ARID3C: variants seen among roughly 807,000 people sequenced by gnomAD.
The protein encoded by ARID3C is AT-rich interaction domain 3C, also known as AT-rich interactive domain-containing protein 3C.
A neutral mutation model predicts 37.9 loss-of-function variants in ARID3C; 42 were observed. The observed-to-expected ratio is 1.11, with a 90% CI of 0.87 to 1.43. The LOEUF (loss-of-function observed/expected upper bound fraction) is 1.43, where lower values mean the gene tolerates loss of function less well. Ranked by LOEUF, ARID3C falls within the 40% of genes most tolerant of loss-of-function variation. The pLI is 0.00. For missense variants in ARID3C, 581 were observed against 548.8 expected (o/e 1.06, Z -0.59); for synonymous variants, 213 against 228.0 (o/e 0.93, Z 0.59).
At chr9:34,625,199 T>G (rs1008739490) in intron 2 of ARID3C, among the ~76,000 whole-genome samples, 4 of 152,136 alleles carry the variant, frequency 2.6e-5, no homozygotes, top group African/African-American at 9.7e-5. Flanking sequence ...AAAGCTGAAG[T>G]GATGGACTGC....
chr9:34,622,375 G>A, exon 5 of ARID3C: 1 of 1,612,570 alleles, frequency 6.2e-7, no homozygotes, highest in Non-Finnish European at 8.5e-7. Flanking sequence ...CACGGGGCAG[G>A]AAACTGGGGG....
chr9:34,629,924 G>A (rs1471447349), upstream of ARID3C, among the ~76,000 whole-genome samples: 1 of 151,672 alleles, frequency 6.6e-6, no homozygotes, highest in Non-Finnish European at 1.5e-5. Context: ...CACCAGACCC[G>A]GCTAATTTTT....
intron 5 of ARID3C, 30 bp downstream of exon 6, chr9:34,622,317 G>C: frequency 6.3e-7 from 1 of 1,584,984 alleles, no homozygotes; most frequent in South Asian, 1.2e-5. Context: ...GTACAGTCCC[G>C]AAGCCCCCTC....
exon 3 of ARID3C, chr9:34,623,992 A>G (rs1260443991): frequency 6.2e-7 from 1 of 1,603,320 alleles, no homozygotes; most frequent in African/African-American, 1.3e-5. Context: ...GGCGAAACAG[A>G]GCGTACAGGT....
At chr9:34,622,107 C>T (rs746677927) in exon 6 of ARID3C, 2 of 1,614,056 alleles carry the variant, frequency 1.2e-6, no homozygotes, top group Admixed American at 1.7e-5. Context: ...TCCAGCCGCT[C>T]TTCTGTCCAG....
exon 7 of ARID3C, chr9:34,621,510 G>C: frequency 6.4e-7 from 1 of 1,554,414 alleles, no homozygotes; most frequent in Non-Finnish European, 8.6e-7. Context: ...TGCAGGGTTG[G>C]TTGGACCCTG....
intron 1 of ARID3C, among the ~76,000 whole-genome samples, chr9:34,626,208 G>T (rs918949673): frequency 6.6e-6 from 1 of 152,172 alleles, no homozygotes; most frequent in Admixed American, 6.5e-5. Context: ...ACATATATCT[G>T]ATGCTCTGAT....
chr9:34,628,003 C>A lies in ARID3C; in HGVS notation c.12G>T (p.Leu4=). 6.7e-7 allele frequency: 1 copy of A among 1,500,482 alleles called. No homozygotes were observed. 92.9% of individuals were successfully genotyped at this position (1,500,482 alleles called of 1,614,324 possible). The change falls in exon 1 of 7, where the codon CTG becomes CTT. Residue 4 remains leucine (L), a synonymous_variant. Coordinates refer to ENST00000378909, the Ensembl canonical transcript of ARID3C. This position sits in a 1 kb window ranked among gnomAD's most constrained non-coding sequence, Gnocchi z 5.2. ...CCAGCCGAGCTGCCTGCTGCTTCTG[C>A]AGGGCCTCCATGACAGCTTCCAGGC...
At chr9:34,627,153 T>C (rs889304147) in intron 1 of ARID3C, among the ~76,000 whole-genome samples, 2 of 152,000 alleles carry the variant, frequency 1.3e-5, no homozygotes, top group Non-Finnish European at 2.9e-5. Flanking sequence ...GGGGCCAGGG[T>C]TAGGGAGGAG....
Position 34,627,187 on chromosome 9 carries a change from G to GT in ARID3C, c.318+509dup, listed in dbSNP as rs1820667363. Among the ~76,000 whole-genome samples the GT allele has an allele frequency of 2.0e-5, 3 of 152,330 alleles. No homozygotes were observed. The South Asian group carries it at 6.2e-4, about 32-fold the overall frequency. On this transcript the variant is annotated intron_variant, in intron 1 of 6. Transcript: ENST00000378909. ...AGGTGACAGGAAAGAAAGGAAAGGT[G>GT]TATCAGCCTGCCAAGTGAGTGATAA...
upstream of ARID3C, among the ~76,000 whole-genome samples, chr9:34,630,946 G>T (rs1820717667): frequency 6.6e-6 from 1 of 152,126 alleles, no homozygotes; most frequent in South Asian, 2.1e-4. Flanking sequence ...GTATCCTGGG[G>T]CAGAGCCAAG....
At chr9:34,622,325 C>G (rs981200872) in intron 5 of ARID3C, 22 bp downstream of exon 6, 5 of 1,590,106 alleles carry the variant, frequency 3.1e-6, no homozygotes, top group Non-Finnish European at 4.3e-6. Context: ...CCGAAGCCCC[C>G]TCACAACAAG....
chr9:34,625,725 C>T lies in ARID3C; in HGVS notation c.391+17G>A. Reference sequence around the variant, plus strand: ...GGGGGCAATTCCAGGGCCCTTCCCCCACATCATGCCACTCACCCCTCTTTT... The same window carrying T: ...GGGGGCAATTCCAGGGCCCTTCCCCTACATCATGCCACTCACCCCTCTTTT... On this transcript the variant is annotated intron_variant, in intron 2 of 6. Coordinates refer to ENST00000378909, the Ensembl canonical transcript of ARID3C. 1 of 1,613,646 alleles carries T rather than the reference C, an allele frequency of 6.2e-7. No individual in the cohort carries two copies. Among genetic ancestry groups the T allele is most frequent in the South Asian group, 1.1e-5 (1 of 91,024 alleles).
At chr9:34,621,607 G>A in intron 6 of ARID3C, 49 bp from the exon 8 acceptor site, 1 of 1,350,634 alleles carries the variant, frequency 7.4e-7, no homozygotes, top group Non-Finnish European at 1.0e-6. Context: ...AGCAGGAGGG[G>A]GTAGGGTATG....
chr9:34,626,291 G>A (rs1294908835), intron 1 of ARID3C, among the ~76,000 whole-genome samples: 1 of 152,200 alleles, frequency 6.6e-6, no homozygotes, highest in Non-Finnish European at 1.5e-5. Flanking sequence ...GGGCAGAGAT[G>A]CTCCTAACCC....
At chr9:34,633,011 G>A (rs1820735890), upstream of ARID3C, among the ~76,000 whole-genome samples, 1 of 152,008 alleles carries the variant, frequency 6.6e-6, no homozygotes, top group Non-Finnish European at 1.5e-5. Flanking sequence ...TGAGGACTAA[G>A]CCCAAGAAAG....
intron 1 of ARID3C, 145 bp from the exon 3 acceptor site, chr9:34,625,959 C>T: frequency 1.1e-6 from 1 of 898,510 alleles, no homozygotes; most frequent in Non-Finnish European, 1.7e-6. Context: ...TAGCATTAGG[C>T]TCTCTCCGCC....
intron 2 of ARID3C, among the ~76,000 whole-genome samples, chr9:34,625,503 C>T (rs1344378065): frequency 1.3e-5 from 2 of 152,202 alleles, no homozygotes; most frequent in African/African-American, 4.8e-5. Flanking sequence ...GCCAGGCTCC[C>T]ATCAGTTCCC....
chr9:34,621,859 C>G (rs1457067527), intron 6 of ARID3C, among the ~76,000 whole-genome samples, 161 bp downstream of exon 7: 1 of 152,120 alleles, frequency 6.6e-6, no homozygotes, highest in Non-Finnish European at 1.5e-5. Flanking sequence ...TGTAGACACC[C>G]CCTTTAACCC....
Sources: gnomAD v4.1 joint callset for allele counts (sites outside exome capture counted in the v4.1 genomes callset) on GRCh38, gnomAD v4.1.1 for gene constraint, Gnocchi (gnomAD v3.1) non-coding constraint, MANE v1.5 for transcripts, NCBI Gene and HGNC (gene_info 2026-07-23, HGNC 2026-07-21) for gene names.